The following DPP10 variants were observed in gnomAD, a reference collection of about 807,000 sequenced individuals.
DPP10 encodes dipeptidyl peptidase like 10.
In DPP10, 33 loss-of-function variants were observed where a neutral mutation model predicts 120.9. The observed-to-expected ratio is 0.27, with a 90% CI of 0.21 to 0.37. DPP10 has a LOEUF of 0.37. Ranked by LOEUF, DPP10 falls within the 10% of genes least tolerant of loss-of-function variation. The probability of loss-of-function intolerance (pLI) is 1.00; values close to 1 mark genes in which losing one functional copy is unlikely to be tolerated. For missense variants in DPP10, 816 were observed against 942.8 expected, an observed-to-expected ratio of 0.87 and a Z score of 1.76; for synonymous variants, 337 against 326.1, an observed-to-expected ratio of 1.03 and a Z score of -0.36.
At chr2:115,625,206 A>AT (rs1414501185) in intron 5 of DPP10, among the ~76,000 whole-genome samples, 2 of 151,974 alleles carry the variant, frequency 1.3e-5, no homozygotes, top group African/African-American at 4.8e-5. Flanking sequence ...TTGTGAGCTA[A>AT]TTTTTTTTGA....
intron 3 of DPP10, among the ~76,000 whole-genome samples, chr2:115,478,195 T>C (rs2075211314): frequency 6.6e-6 from 1 of 152,154 alleles, no homozygotes; most frequent in Non-Finnish European, 1.5e-5. Flanking sequence ...CCACATCTAT[T>C]GGCATAACAA....
At chr2:115,097,415 T>A (rs1412806139) in intron 1 of DPP10, among the ~76,000 whole-genome samples, 1 of 152,214 alleles carries the variant, frequency 6.6e-6, no homozygotes, top group Admixed American at 6.5e-5. Context: ...ATTTAAGTAC[T>A]CTTAGATCAC....
At position 114,925,197 on chromosome 2, in the gene DPP10, C is replaced by T. The variant is rs914941814; in HGVS notation, c.61-384042C>T. Among the ~76,000 whole-genome samples the T allele has an allele frequency of 1.5e-4, 15 of 103,408 alleles. No individual in the cohort carries two copies. In the Admixed American group the frequency reaches 1.6e-3, roughly 11 times the overall value. The allele number at this position is 103,408 out of a possible 152,430, so 67.8% of individuals were successfully genotyped here. ...CTGCACTCCAGCCTGGGCAACAGAG[C>T]AAGACTCTGTCTCAAAAAAAAAAAA... On this transcript the variant is annotated intron_variant, in intron 1 of 25. Transcript: ENST00000410059.
intron 1 of DPP10, among the ~76,000 whole-genome samples, chr2:115,051,305 T>C (rs1406630372): frequency 2.0e-5 from 3 of 150,964 alleles, no homozygotes; most frequent in African/African-American, 7.3e-5. Context: ...AGAGTATCAA[T>C]AAAGAGAAAG....
chr2:114,784,176 A>G (rs1682571466), intron 1 of DPP10, among the ~76,000 whole-genome samples: 1 of 152,052 alleles, frequency 6.6e-6, no homozygotes, highest in East Asian at 1.9e-4. Context: ...TGTAGTGTCG[A>G]CTAACCTGAT....
At chr2:115,388,567 G>T (rs899046991) in intron 3 of DPP10, among the ~76,000 whole-genome samples, 33 of 152,272 alleles carry the variant, frequency 2.2e-4, no homozygotes, top group African/African-American at 7.2e-4. Context: ...GCCCTCTAGG[G>T]TGATTCAACT....
intron 1 of DPP10, among the ~76,000 whole-genome samples, chr2:115,016,866 AC>A (rs1361845188): frequency 1.3e-5 from 2 of 152,170 alleles, no homozygotes; most frequent in African/African-American, 4.8e-5. Context: ...ACCATGGAAT[AC>A]TATGCAGCCA....
At chr2:115,804,393 G>A (rs895138721) in intron 19 of DPP10, among the ~76,000 whole-genome samples, 10 of 151,962 alleles carry the variant, frequency 6.6e-5, no homozygotes, top group Non-Finnish European at 7.4e-5. Context: ...CCTTTAGCTC[G>A]GAGTAGTTTG....
At chr2:114,589,388 GACAA>G (rs367755343) in intron 1 of DPP10, among the ~76,000 whole-genome samples, 2 of 152,292 alleles carry the variant, frequency 1.3e-5, no homozygotes, top group African/African-American at 2.4e-5. Flanking sequence ...ACCAAATGAA[GACAA>G]ACAGATATAA....
intron 1 of DPP10, among the ~76,000 whole-genome samples, chr2:114,688,704 C>T (rs1453428439): frequency 2.0e-5 from 3 of 151,014 alleles, no homozygotes; most frequent in South Asian, 2.1e-4. Context: ...CTGACAAGTG[C>T]GCATGTGAGG....
intron 1 of DPP10, among the ~76,000 whole-genome samples, chr2:115,000,271 G>A (rs1448520289): frequency 6.6e-6 from 1 of 151,772 alleles, no homozygotes; most frequent in Non-Finnish European, 1.5e-5. Flanking sequence ...TAAACTTTAA[G>A]TTAGTGCTTT....
At chr2:114,592,932 G>T (rs12474471) in intron 1 of DPP10, among the ~76,000 whole-genome samples, 1 of 151,848 alleles carries the variant, frequency 6.6e-6, no homozygotes, top group African/African-American at 2.4e-5. Context: ...TCTGTAAACC[G>T]CTATGTGTTG....
chr2:115,782,498 C>A, intron 17 of DPP10, 99 bp downstream of exon 17: 1 of 1,158,680 alleles, frequency 8.6e-7, no homozygotes, highest in Non-Finnish European at 1.3e-6. Flanking sequence ...AATTCTTCTT[C>A]AAAAAATCCC....
chr2:114,562,689 A>G (rs1351038590), intron 1 of DPP10, among the ~76,000 whole-genome samples: 2 of 152,224 alleles, frequency 1.3e-5, no homozygotes, highest in Non-Finnish European at 2.9e-5. Flanking sequence ...GCTTAGATTC[A>G]TATTGAAACT....
At chr2:115,239,391 T>G (rs974306707) in intron 1 of DPP10, among the ~76,000 whole-genome samples, 1 of 152,166 alleles carries the variant, frequency 6.6e-6, no homozygotes, top group African/African-American at 2.4e-5. Flanking sequence ...GAAATTTTCA[T>G]AGCCACCCCA....
chr2:114,640,433 G>C (rs1695620894), intron 1 of DPP10, among the ~76,000 whole-genome samples: 2 of 151,804 alleles, frequency 1.3e-5, no homozygotes, highest in Admixed American at 6.5e-5. Context: ...ATATCTACTT[G>C]TATAGGACAA....
chr2:115,679,923 C>T (rs1025548332), intron 5 of DPP10, among the ~76,000 whole-genome samples: 2 of 151,854 alleles, frequency 1.3e-5, no homozygotes, highest in Non-Finnish European at 2.9e-5. Flanking sequence ...TCCTAGAATT[C>T]TATACTACCT....
chr2:115,789,890 G>A (rs905465445), intron 17 of DPP10, among the ~76,000 whole-genome samples: 6 of 151,970 alleles, frequency 3.9e-5, no homozygotes, highest in African/African-American at 1.2e-4. Flanking sequence ...GAATAAATCC[G>A]ATAAAAATGA....
chr2:115,343,587 T>G (rs767161179), intron 2 of DPP10, among the ~76,000 whole-genome samples: 1 of 152,152 alleles, frequency 6.6e-6, no homozygotes, highest in Non-Finnish European at 1.5e-5. Context: ...AACATGGGAT[T>G]GCTCTATTAA....
Sources: allele counts gnomAD v4.1 joint callset (sites outside exome capture counted in the v4.1 genomes callset), GRCh38; gene constraint gnomAD v4.1.1; transcripts MANE v1.5; gene names NCBI Gene and HGNC (gene_info 2026-07-23, HGNC 2026-07-21).